The following GPC6 variants were observed in gnomAD, a reference collection of about 807,000 sequenced individuals.
GPC6 encodes glypican-6.
In GPC6, 14 loss-of-function variants were observed where a neutral mutation model predicts 55.2. The ratio of observed to expected loss-of-function variants is 0.25; its 90% confidence interval spans 0.17 to 0.40. GPC6 has a LOEUF of 0.40. GPC6 is among the 10% of genes least tolerant of loss of function. The pLI, the probability that GPC6 is intolerant of heterozygous loss-of-function variation, is 1.00. For synonymous variants in GPC6, 278 were observed against 259.6 expected (o/e 1.07, Z -0.68); for missense variants, 641 against 708.5 (o/e 0.90, Z 1.08).
intron 4 of GPC6, among the ~76,000 whole-genome samples, chr13:94,086,125 A>G (rs1566385533): frequency 6.6e-6 from 1 of 151,756 alleles, no homozygotes; most frequent in Non-Finnish European, 1.5e-5. Context: ...GTGAATTTTT[A>G]AAATTGGTTT....
chr13:94,315,166 CCAG>C (rs1372463647), intron 6 of GPC6, among the ~76,000 whole-genome samples: 1 of 152,192 alleles, frequency 6.6e-6, no homozygotes, highest in African/African-American at 2.4e-5. Flanking sequence ...TGAACCACCA[CCAG>C]CAGCAGCTCC....
chr13:93,926,779 A>G (rs544868953), intron 3 of GPC6, among the ~76,000 whole-genome samples: 27 of 117,744 alleles, frequency 2.3e-4, no homozygotes, highest in African/African-American at 9.4e-4. Context: ...AAGAAAGTCA[A>G]TTATTTTAGA....
At chr13:93,770,569 CCT>C (rs1435314090) in intron 2 of GPC6, among the ~76,000 whole-genome samples, 1 of 152,130 alleles carries the variant, frequency 6.6e-6, no homozygotes, top group Non-Finnish European at 1.5e-5. Context: ...AGGGGCTGTG[CCT>C]CAGAAGCTTT....
intron 3 of GPC6, among the ~76,000 whole-genome samples, chr13:93,964,061 T>C (rs996912973): frequency 1.3e-4 from 20 of 152,132 alleles, no homozygotes; most frequent in Non-Finnish European, 2.5e-4. Context: ...CCCCCACTCA[T>C]GTATTACCAA....
intron 6 of GPC6, among the ~76,000 whole-genome samples, chr13:94,354,358 A>C (rs1450799232): frequency 1.3e-5 from 2 of 152,312 alleles, no homozygotes; most frequent in South Asian, 2.1e-4. Context: ...CAAAAAAAAA[A>C]ACAAGATACC....
chr13:94,369,474 A>C (rs765610220), intron 6 of GPC6, among the ~76,000 whole-genome samples: 1 of 152,254 alleles, frequency 6.6e-6, no homozygotes, highest in Non-Finnish European at 1.5e-5. Context: ...GCAATAATGG[A>C]GTTCACAAAC....
At chr13:93,448,299 A>G (rs1055578208) in intron 1 of GPC6, among the ~76,000 whole-genome samples, 3 of 152,202 alleles carry the variant, frequency 2.0e-5, no homozygotes, top group Non-Finnish European at 2.9e-5. Flanking sequence ...ATAGAATAAC[A>G]TACTGCACAG....
At chr13:94,205,030 A>T (rs941162353) in intron 4 of GPC6, among the ~76,000 whole-genome samples, 5 of 152,234 alleles carry the variant, frequency 3.3e-5, no homozygotes, top group African/African-American at 1.2e-4. Context: ...TTTCATGATA[A>T]GAATGAATAT....
At chr13:94,252,958 GA>G (rs3043533) in intron 4 of GPC6, among the ~76,000 whole-genome samples, 37,425 of 138,798 alleles carry the variant, frequency 0.27, 4,757 homozygotes, top group South Asian at 0.35. Context: ...GAATAAAAAA[GA>G]AAAAAAAAAA....
chr13:94,261,178 G>C (rs1891646314), intron 4 of GPC6, among the ~76,000 whole-genome samples: 3 of 152,120 alleles, frequency 2.0e-5, no homozygotes, highest in Non-Finnish European at 4.4e-5. Flanking sequence ...GGGAGGCTGA[G>C]GCAGAAGAAT....
chr13:94,200,269 C>G (rs1286339700), intron 4 of GPC6, among the ~76,000 whole-genome samples: 1 of 151,974 alleles, frequency 6.6e-6, no homozygotes, highest in Admixed American at 6.6e-5. Context: ...AAAAGAATTT[C>G]TAAAATAATA....
intron 2 of GPC6, among the ~76,000 whole-genome samples, chr13:93,547,085 C>G (rs1874830084): frequency 6.6e-6 from 1 of 151,544 alleles, no homozygotes; most frequent in Admixed American, 6.6e-5. Flanking sequence ...AATCCCAGCA[C>G]TTTGGGAGGC....
chr13:93,819,772 G>T (rs767270104), intron 2 of GPC6, among the ~76,000 whole-genome samples: 1 of 152,176 alleles, frequency 6.6e-6, no homozygotes, highest in African/African-American at 2.4e-5. Flanking sequence ...GGAATTAATA[G>T]TTTATCTATA....
intron 4 of GPC6, among the ~76,000 whole-genome samples, chr13:94,145,441 A>G (rs1361513413): frequency 6.6e-6 from 1 of 152,214 alleles, no homozygotes; most frequent in African/African-American, 2.4e-5. Flanking sequence ...GTCAGCAGTC[A>G]TATAGCCTAG....
At chr13:94,192,779 G>T (rs1889440236) in intron 4 of GPC6, among the ~76,000 whole-genome samples, 1 of 152,214 alleles carries the variant, frequency 6.6e-6, no homozygotes, top group African/African-American at 2.4e-5. Flanking sequence ...CACCTCAGTT[G>T]TGCCCTCTGC....
At chr13:93,421,014 A>G (rs74108522) in intron 1 of GPC6, among the ~76,000 whole-genome samples, 4,972 of 152,214 alleles carry the variant, frequency 0.033, 275 homozygotes, top group African/African-American at 0.11. Flanking sequence ...CAAGGGAAGC[A>G]CGAGTGCAAA....
chr13:93,272,156 T>C (rs1264932720), intron 1 of GPC6, among the ~76,000 whole-genome samples: 1 of 152,098 alleles, frequency 6.6e-6, no homozygotes. Flanking sequence ...AATTGGATTG[T>C]ATAAACTAGA....
At chr13:93,551,936 C>A (rs746603394) in intron 2 of GPC6, among the ~76,000 whole-genome samples, 23 of 152,088 alleles carry the variant, frequency 1.5e-4, no homozygotes, top group African/African-American at 4.8e-4. Flanking sequence ...ACAACATACA[C>A]CCCTCTATGA....
chr13:94,076,268 G>A (rs973185621), intron 4 of GPC6, among the ~76,000 whole-genome samples: 1 of 151,700 alleles, frequency 6.6e-6, no homozygotes, highest in Non-Finnish European at 1.5e-5. Flanking sequence ...GTCTTCTTTG[G>A]AGAAATGTCC....
Sources: gnomAD v4.1 joint callset for allele counts (sites outside exome capture counted in the v4.1 genomes callset) on GRCh38, gnomAD v4.1.1 for gene constraint, MANE v1.5 for transcripts, NCBI Gene and HGNC (gene_info 2026-07-23, HGNC 2026-07-21) for gene names.